Variants in PARP16 observed in about 807,000 individuals in gnomAD.
PARP16 encodes the protein poly(ADP-ribose) polymerase family member 16.
Under a neutral mutation model 35.0 loss-of-function variants are expected in PARP16, and 31 were observed. The ratio of observed to expected loss-of-function variants is 0.88; its 90% CI spans 0.66 to 1.19. The LOEUF is 1.19. Among genes scored for constraint, PARP16 ranks in the 50% most tolerant of loss-of-function variants. The pLI, the probability that PARP16 is intolerant of heterozygous loss-of-function variation, is 0.00. For synonymous variants in PARP16, 162 were observed against 169.5 expected (o/e 0.96, Z 0.34); for missense variants, 424 against 411.2 (o/e 1.03, Z -0.27).
In PARP16 at chr15:65,271,018, C is replaced by A. The variant is rs371115400; in HGVS notation, c.229G>T (p.Asp77Tyr). The A allele has an allele frequency of 3.7e-6, 6 of 1,613,994 alleles. No homozygotes were observed. In the African/African-American group the frequency reaches 8.0e-5, roughly 22 times the overall value. ...NLKELLQSSGDNHKRAWDLVS... is the reference protein window; with the variant it reads ...NLKELLQSSGYNHKRAWDLVS... ...AGGTCCCAGGCCCGTTTGTGGTTGT[C>A]TCCGGAGGACTGGAGAAGTTCTTTC... Residue 77 changes from aspartate to tyrosine, a missense_variant, in exon 2 of 6, where the codon GAC becomes TAC. By Grantham distance (160) the Asp-to-Tyr change is radical. Transcript: ENST00000649807.
chr15:65,256,612 T>C (rs1216583750), downstream of PARP16, among the ~76,000 whole-genome samples: 1 of 152,066 alleles, frequency 6.6e-6, no homozygotes, highest in African/African-American at 2.4e-5. Context: ...TTTCACCGTG[T>C]TAGCCAGGAC....
In PARP16 at chr15:65,271,022, G is replaced by T. The variant is rs200995943; in HGVS notation, c.225C>A (p.Ser75=). 1.1e-4 allele frequency: 171 copies of T among 1,613,368 alleles called. No individual in the cohort carries two copies. Among genetic ancestry groups the T allele is most frequent in the Non-Finnish European group, 1.4e-4 (167 of 1,179,474 alleles). The part of the protein sequence containing the change: ...LPNLKELLQS[S]GDNHKRAWDL... ...CCCAGGCCCGTTTGTGGTTGTCTCC[G>T]GAGGACTGGAGAAGTTCTTTCAGGT... Residue 75 remains serine, a synonymous_variant, in exon 2 of 6, where the codon TCC becomes TCA. Transcript: ENST00000649807.
chr15:65,238,138 T>C (rs1007041281), intron 3 of PARP16, among the ~76,000 whole-genome samples: 2 of 151,810 alleles, frequency 1.3e-5, no homozygotes, highest in Non-Finnish European at 2.9e-5. Flanking sequence ...ATACAAAAAA[T>C]TTATCAGGGC....
At chr15:65,230,959 G>GC (rs2088773729), downstream of PARP16, among the ~76,000 whole-genome samples, 1 of 140,310 alleles carries the variant, frequency 7.1e-6, no homozygotes, top group Admixed American at 7.9e-5. Flanking sequence ...TGCGATCTCA[G>GC]CTCACTGCAA....
downstream of PARP16, among the ~76,000 whole-genome samples, chr15:65,253,520 C>T (rs954085588): frequency 6.6e-5 from 10 of 151,136 alleles, no homozygotes; most frequent in Non-Finnish European, 1.2e-4. Flanking sequence ...TTAGTAGAGA[C>T]GGGGTTTCAC....
chr15:65,252,428 C>G (rs996918747), intron 2 of PARP16, among the ~76,000 whole-genome samples: 1 of 152,180 alleles, frequency 6.6e-6, no homozygotes, highest in Admixed American at 6.5e-5. Context: ...TTTGGGATAG[C>G]CTGCACTTGC....
Position 65,270,459 on chromosome 15 carries a change from A to G in PARP16, c.312+476T>C, listed in dbSNP as rs188604694. 8.5e-5 allele frequency among the ~76,000 whole-genome samples: 13 copies of G among 152,316 alleles called. No homozygotes were observed. The East Asian group carries it at 2.5e-3, about 29-fold the overall frequency. Reference sequence around the variant, plus strand: ...GAGTTCTGCCTCTCCATCTCCTGATAACTGAACTAGGTCAGAGTTTCTTAA... The same window carrying G: ...GAGTTCTGCCTCTCCATCTCCTGATGACTGAACTAGGTCAGAGTTTCTTAA... On this transcript the variant is annotated intron_variant, in intron 2 of 5. Transcript: ENST00000649807.
chr15:65,248,413 G>T (rs2089268247), intron 2 of PARP16, among the ~76,000 whole-genome samples: 1 of 152,010 alleles, frequency 6.6e-6, no homozygotes, highest in South Asian at 2.1e-4. Flanking sequence ...ACGTAGGCAG[G>T]TGGTAGACCA....
rs371313518 is a variant in PARP16, at chr15:65,266,617, C to T, written c.464G>A (p.Arg155His). ...RDLIYAFHGS[R>H]LENFHSIIHN... ...GATAATGGAATGGAAGTTTTCTAGG[C>T]GGCTACCATGAAATGCATAGATTAG... is the stretch of plus-strand genomic sequence containing the variant. The change falls in exon 3 of 6, where the codon CGC (arginine) becomes CAC (histidine). Residue 155 changes from arginine (R) to histidine (H), a missense_variant. Physicochemically the swap from Arg to His is conservative, Grantham distance 29 (BLOSUM62 0). Transcript: ENST00000649807. The T allele has an allele frequency of 1.4e-5, 22 of 1,613,936 alleles. No individual in the cohort carries two copies. Among genetic ancestry groups the T allele is most frequent in the Middle Eastern group, 3.3e-4 (2 of 6,084 alleles).
In PARP16 at chr15:65,275,987, CA is replaced by C. The variant is rs2090241456; in HGVS notation, c.175-4916del. Reference sequence around the variant, plus strand: ...CCCCACAAAAGGACAGTCAGCTAGCCAGGTGCCTTTCAGGGACTCAGTCTGG... The same window carrying C: ...CCCCACAAAAGGACAGTCAGCTAGCCGGTGCCTTTCAGGGACTCAGTCTGG... On this transcript the variant is annotated intron_variant, in intron 1 of 5. Coordinates refer to ENST00000649807, the MANE Select transcript of PARP16 (RefSeq NM_001316943.2). 3.3e-5 allele frequency among the ~76,000 whole-genome samples: 5 copies of C among 152,266 alleles called. No individual in the cohort carries two copies. The South Asian group carries it at 1.0e-3, about 32-fold the overall frequency.
In PARP16 at chr15:65,265,907, G is replaced by C. The variant is rs1316048313; in HGVS notation, c.519+655C>G. The stretch of plus-strand genomic sequence containing the variant: ...TGGTCTGGGATGCAGCCAGGCATCT[G>C]GGATTTTTTATTATTTATTTATTTT... On this transcript the variant is annotated intron_variant, in intron 3 of 5. Transcript: ENST00000649807. Among the ~76,000 whole-genome samples, 3 of 152,116 alleles carry C rather than the reference G, an allele frequency of 2.0e-5. No individual in the cohort carries two copies. The East Asian group carries it at 5.8e-4, about 29-fold the overall frequency.
At chr15:65,261,385 T>C (rs757854030) in intron 4 of PARP16, among the ~76,000 whole-genome samples, 2 of 147,818 alleles carry the variant, frequency 1.4e-5, no homozygotes, top group African/African-American at 2.4e-5. Context: ...GCATTTTATA[T>C]ATAAATTTTA....
downstream of PARP16, among the ~76,000 whole-genome samples, chr15:65,232,620 G>A (rs557489246): frequency 1.2e-4 from 18 of 152,156 alleles, no homozygotes; most frequent in South Asian, 4.2e-4. Context: ...ATTACTCACC[G>A]GACCAGGCTC....
At chr15:65,234,386 A>T (rs983849520), downstream of PARP16, 1 of 152,196 alleles carries the variant, frequency 6.6e-6, no homozygotes, top group Non-Finnish European at 1.5e-5. Context: ...GGCTTCCAGA[A>T]TCTCCAAGAC....
downstream of PARP16, among the ~76,000 whole-genome samples, chr15:65,231,455 CT>C (rs1213680405): frequency 1.8e-3 from 249 of 141,896 alleles, no homozygotes; most frequent in East Asian, 2.0e-3. Flanking sequence ...CAAATTATAC[CT>C]TTTTTTTTTT....
chr15:65,241,139 CTTT>C (rs34888317), intron 3 of PARP16, among the ~76,000 whole-genome samples: 6 of 127,748 alleles, frequency 4.7e-5, no homozygotes, highest in Admixed American at 8.0e-5. Flanking sequence ...CCTGTCCAAA[CTTT>C]TTTTTTTTTT....
In PARP16 at chr15:65,286,389, G is replaced by A. The variant is rs749193373; in HGVS notation, c.38C>T (p.Ala13Val). The A allele has an allele frequency of 3.9e-5, 60 of 1,553,958 alleles. No homozygotes were observed. Among genetic ancestry groups the A allele is most frequent in the African/African-American group, 1.4e-5 (1 of 71,574 alleles). Residue 13 changes from alanine to valine, a missense_variant, in exon 1 of 6, where the codon GCG (alanine) becomes GTG (valine). Transcript: ENST00000649807. ...PSGWAAAREAAGRDMLAADLR... is the reference protein window; with the variant it reads ...PSGWAAAREAVGRDMLAADLR... ...GTCGGCGGCCAGCATGTCGCGGCCC[G>A]CCGCCTCCCTGGCGGCCGCCCAGCC...
chr15:65,267,526 G>A, intron 2 of PARP16, among the ~76,000 whole-genome samples: 1 of 151,332 alleles, frequency 6.6e-6, no homozygotes, highest in East Asian at 2.0e-4. Context: ...AGAATGGTGT[G>A]AACCCAGGAG....
Position 65,246,774 on chromosome 15 carries a change from AGAAGGTACC to A in PARP16, c.*97+1334_*97+1342del, listed in dbSNP as rs1221231554. Among the ~76,000 whole-genome samples, 5 of 152,306 alleles carry A rather than the reference AGAAGGTACC, an allele frequency of 3.3e-5. No homozygotes were observed. In the East Asian group the frequency reaches 9.7e-4, roughly 29 times the overall value. ...CACAGATCTCAGTTGGCAACTTCTT[AGAAGGTACC>A]GAAGAAAGGGCCAGATTTTCTCCCC... On this transcript the variant is annotated intron_variant and NMD_transcript_variant, in intron 3 of 3. Coordinates refer to the PARP16 transcript ENST00000559805.
Sources: gnomAD v4.1 joint callset for allele counts (sites outside exome capture counted in the v4.1 genomes callset) on GRCh38, gnomAD v4.1.1 for gene constraint, MANE v1.5 for transcripts, NCBI Gene and HGNC (gene_info 2026-07-23, HGNC 2026-07-21) for gene names.